DAB1: variants seen among roughly 807,000 people sequenced by gnomAD.
DAB1 encodes the protein DAB adaptor protein 1.
In DAB1, 15 loss-of-function variants were observed where a neutral mutation model predicts 64.6. That is an observed-to-expected ratio of 0.23 (90% CI 0.16 to 0.36). DAB1 has a LOEUF of 0.36. DAB1 is among the 10% of genes least tolerant of loss of function. DAB1 has a pLI of 1.00. For synonymous variants in DAB1, 235 were observed against 251.9 expected (o/e 0.93, Z 0.64); for missense variants, 596 against 706.7 (o/e 0.84, Z 1.78).
chr1:58,357,017 C>A lies in DAB1; in HGVS notation n.258-13614G>T, dbSNP rs1644118128. On this transcript the variant is annotated intron_variant and non_coding_transcript_variant, in intron 3 of 20. Transcript: ENST00000485760. ...CTCCATCCTGGGCAACAGAACAAGACCCTGTCTCCAAAAAAAAAAAAAAAA... is the reference window on the plus strand; with the variant it reads ...CTCCATCCTGGGCAACAGAACAAGAACCTGTCTCCAAAAAAAAAAAAAAAA... Among the ~76,000 whole-genome samples, 4 of 125,760 alleles carry A rather than the reference C, an allele frequency of 3.2e-5. No homozygotes were observed. In the Admixed American group the frequency reaches 3.8e-4, roughly 12 times the overall value. The allele number at this position is 125,760 out of a possible 152,430, so 82.5% of individuals were successfully genotyped here.
chr1:57,621,407 G>A (rs1645857809), intron 7 of DAB1, among the ~76,000 whole-genome samples: 1 of 151,512 alleles, frequency 6.6e-6, no homozygotes, highest in Non-Finnish European at 1.5e-5. Context: ...GTGGGGAAGA[G>A]GGCGCAGAAC....
At chr1:57,983,682 G>A (rs936504742) in intron 5 of DAB1, among the ~76,000 whole-genome samples, 2 of 152,276 alleles carry the variant, frequency 1.3e-5, no homozygotes, top group African/African-American at 2.4e-5. Context: ...CTGGTCCCAC[G>A]TCAGCAACTG....
chr1:58,390,559 C>G (rs1644467798), intron 3 of DAB1, among the ~76,000 whole-genome samples: 1 of 152,228 alleles, frequency 6.6e-6, no homozygotes, highest in Non-Finnish European at 1.5e-5. Flanking sequence ...TTATAACTTA[C>G]TGTCTCTCAG....
chr1:57,145,970 A>C (rs746833608), intron 2 of DAB1, among the ~76,000 whole-genome samples: 1 of 152,236 alleles, frequency 6.6e-6, no homozygotes, highest in East Asian at 1.9e-4. Context: ...GTTTTATGAC[A>C]TCTCTTCTGG....
chr1:57,220,281 A>G (rs1228422759), intron 2 of DAB1, among the ~76,000 whole-genome samples: 6 of 152,192 alleles, frequency 3.9e-5, no homozygotes, highest in Non-Finnish European at 7.3e-5. Context: ...CACTAGTGGA[A>G]CATACCCATA....
chr1:57,085,938 G>T (rs1195786180), intron 4 of DAB1, among the ~76,000 whole-genome samples: 4 of 152,174 alleles, frequency 2.6e-5, no homozygotes, highest in Non-Finnish European at 5.9e-5. Context: ...GAGTGTGGGA[G>T]CGGTGGGGAT....
chr1:58,336,567 CTAA>C (rs1290018346), intron 4 of DAB1, among the ~76,000 whole-genome samples: 1 of 152,182 alleles, frequency 6.6e-6, no homozygotes, highest in Non-Finnish European at 1.5e-5. Context: ...GTCCATACTA[CTAA>C]TAAGTGGCAG....
At chr1:57,897,548 C>T (rs1478425817) in intron 5 of DAB1, among the ~76,000 whole-genome samples, 1 of 152,074 alleles carries the variant, frequency 6.6e-6, no homozygotes, top group African/African-American at 2.4e-5. Flanking sequence ...TGATGGAGAC[C>T]TCATATATTT....
chr1:58,312,209 G>A (rs371178765), intron 4 of DAB1, among the ~76,000 whole-genome samples: 23 of 152,282 alleles, frequency 1.5e-4, no homozygotes, highest in African/African-American at 5.1e-4. Context: ...AGAGCAGGGC[G>A]ATGCAAAAGG....
At chr1:57,450,680 C>T (rs1269896652) in intron 7 of DAB1, among the ~76,000 whole-genome samples, 1 of 152,180 alleles carries the variant, frequency 6.6e-6, no homozygotes, top group Non-Finnish European at 1.5e-5. Context: ...AAAACATGTG[C>T]AGTCTGGGGT....
intron 9 of DAB1, among the ~76,000 whole-genome samples, chr1:57,057,534 C>T (rs569980437): frequency 6.6e-6 from 1 of 152,008 alleles, no homozygotes; most frequent in South Asian, 2.1e-4. Flanking sequence ...TTCACTGGGC[C>T]CAAATCCTTT....
chr1:57,215,164 T>G (rs1307620966), intron 2 of DAB1, among the ~76,000 whole-genome samples: 1 of 152,094 alleles, frequency 6.6e-6, no homozygotes, highest in Non-Finnish European at 1.5e-5. Context: ...ATTTGGGGTT[T>G]GATCCTGAGC....
chr1:57,391,139 G>A (rs541705041), intron 1 of DAB1, among the ~76,000 whole-genome samples: 24 of 152,256 alleles, frequency 1.6e-4, no homozygotes, highest in Admixed American at 9.2e-4. Context: ...GCACAGTGCC[G>A]CCCTAACTCC....
At chr1:58,082,114 T>G (rs527401830) in intron 5 of DAB1, among the ~76,000 whole-genome samples, 2 of 152,302 alleles carry the variant, frequency 1.3e-5, no homozygotes, top group South Asian at 4.1e-4. Flanking sequence ...AGCAAGATAG[T>G]GGCAGGGCTG....
chr1:57,564,431 A>T lies in DAB1; in HGVS notation n.625+85161T>A, dbSNP rs1242112589. On this transcript the variant is annotated intron_variant and non_coding_transcript_variant, in intron 7 of 20. Transcript: ENST00000485760. ...CTCGCCAGCAACAGAACAAAGCTGG[A>T]TGGAAAATGACTTTGATGAGTTGAG... is the stretch of plus-strand genomic sequence containing the variant. 2.0e-5 allele frequency among the ~76,000 whole-genome samples: 3 copies of T among 152,208 alleles called. No individual in the cohort carries two copies. The East Asian group carries it at 5.8e-4, about 29-fold the overall frequency.
chr1:57,827,901 G>T (rs1447831614), intron 1 of DAB1, among the ~76,000 whole-genome samples: 3 of 152,124 alleles, frequency 2.0e-5, no homozygotes, highest in African/African-American at 7.2e-5. Flanking sequence ...TTTATTATTT[G>T]TTAAAACACT....
chr1:57,461,372 A>G (rs1686773800), intron 7 of DAB1, among the ~76,000 whole-genome samples: 1 of 152,078 alleles, frequency 6.6e-6, no homozygotes, highest in South Asian at 2.1e-4. Flanking sequence ...TTTTCCCTCA[A>G]ACATAAACCC....
chr1:57,930,086 G>A (rs1644933749), intron 5 of DAB1, among the ~76,000 whole-genome samples: 1 of 152,170 alleles, frequency 6.6e-6, no homozygotes, highest in Non-Finnish European at 1.5e-5. Flanking sequence ...TATAAAGTCT[G>A]GGTCTAGATT....
chr1:58,430,141 C>T (rs953874838), intron 3 of DAB1, among the ~76,000 whole-genome samples: 4 of 152,160 alleles, frequency 2.6e-5, no homozygotes, highest in Non-Finnish European at 5.9e-5. Context: ...GCAGGGGGCA[C>T]AAAGCCAGTG....
Sources: gnomAD v4.1 joint callset for allele counts (sites outside exome capture counted in the v4.1 genomes callset) on GRCh38, gnomAD v4.1.1 for gene constraint, MANE v1.5 for transcripts, NCBI Gene and HGNC (gene_info 2026-07-23, HGNC 2026-07-21) for gene names.